Variants in ADH6 observed in about 807,000 individuals in gnomAD.
ADH6 encodes alcohol dehydrogenase 6 (class V), also known as alcohol dehydrogenase 6.
In ADH6, 34 loss-of-function variants were observed where a neutral mutation model predicts 36.5. The ratio of observed to expected loss-of-function variants is 0.93; its 90% confidence interval spans 0.71 to 1.24. ADH6 has a LOEUF of 1.24. Among genes scored for constraint, ADH6 ranks in the 50% most tolerant of loss-of-function variants. ADH6 has a pLI of 0.00. For missense variants in ADH6, 440 were observed against 447.0 expected, an observed-to-expected ratio of 0.98 and a Z score of 0.14; for synonymous variants, 161 against 155.5, an observed-to-expected ratio of 1.04 and a Z score of -0.26.
chr4:99,218,155 A>G (rs527857238), intron 1 of ADH6, among the ~76,000 whole-genome samples: 20 of 152,336 alleles, frequency 1.3e-4, no homozygotes, highest in African/African-American at 4.3e-4. Context: ...CAAACTCAAC[A>G]TGTTAAAACA....
chr4:99,217,062 G>A (rs983539053), intron 1 of ADH6, among the ~76,000 whole-genome samples: 11 of 152,048 alleles, frequency 7.2e-5, no homozygotes, highest in Admixed American at 4.6e-4. Context: ...TTGAGATGGA[G>A]TCTCACTCTG....
chr4:99,217,160 T>C (rs572890943), intron 1 of ADH6, among the ~76,000 whole-genome samples: 4 of 152,174 alleles, frequency 2.6e-5, no homozygotes, highest in South Asian at 2.1e-4. Flanking sequence ...CTCAGCCTCC[T>C]GAGTAGCTGG....
Position 99,210,145 on chromosome 4 carries a change from C to G in ADH6, c.504G>C (p.Glu168Asp), listed in dbSNP as rs1461640221. 3.1e-6 allele frequency: 5 copies of G among 1,613,708 alleles called. No individual in the cohort carries two copies. In the African/African-American group the frequency reaches 6.7e-5, roughly 22 times the overall value. ...AGCCACAGCTAATTAGGCATACTTT[C>G]TCTAGAGGAGCGACTGCATCAATCT... The part of the protein sequence containing the change: ...VAKIDAVAPL[E>D]KVCLISCGFS... The change falls in exon 5 of 9, where the codon GAG (glutamate) becomes GAC (aspartate). Residue 168 changes from glutamate (E) to aspartate (D), a missense_variant. Physicochemically the swap from Glu to Asp is conservative, Grantham distance 45. Coordinates refer to ENST00000394899, the MANE Select transcript of ADH6 (RefSeq NM_001102470.2).
Position 99,210,141 on chromosome 4 carries a change from C to G in ADH6, c.508G>C (p.Val170Leu). 6.2e-7 allele frequency: 1 copy of G among 1,613,776 alleles called. No homozygotes were observed. Among genetic ancestry groups the G allele is most frequent in the Non-Finnish European group, 8.5e-7 (1 of 1,179,778 alleles). ...KIDAVAPLEKVCLISCGFSTG... is the reference protein window; with the variant it reads ...KIDAVAPLEKLCLISCGFSTG... ...GAAAAGCCACAGCTAATTAGGCATACTTTCTCTAGAGGAGCGACTGCATCA... is the reference window on the plus strand; with the variant it reads ...GAAAAGCCACAGCTAATTAGGCATAGTTTCTCTAGAGGAGCGACTGCATCA... Residue 170 changes from valine to leucine, a missense_variant, in exon 5 of 9, where the codon GTA (valine) becomes CTA (leucine). Val to Leu is a conservative substitution (Grantham distance 32). Transcript: ENST00000394899.
chr4:99,219,203 G>C lies in ADH6; in HGVS notation c.-51C>G, dbSNP rs1314260987. 1 of 1,562,274 alleles carries C rather than the reference G, an allele frequency of 6.4e-7. No individual in the cohort carries two copies. On this transcript the variant is annotated 5_prime_UTR_variant, in exon 1 of 9. Transcript: ENST00000394899. ...TTTATTGAGAAAGGGAGATCCTGTA[G>C]CAACTTTCACTGTAGAAAGTACAAA...
At position 99,204,105 on chromosome 4, in the gene ADH6, A is replaced by C. The variant is rs1216197314; in HGVS notation, c.*114T>G. On this transcript the variant is annotated 3_prime_UTR_variant, in exon 9 of 9. Coordinates refer to ENST00000394899, the MANE Select transcript of ADH6 (RefSeq NM_001102470.2). ...TAGGTCCACTGCGGAGTGAATCAGA[A>C]GTCAGAATATAGAAATGGGATTGGG... 3.1e-6 allele frequency: 4 copies of C among 1,307,782 alleles called. No homozygotes were observed. 81.0% of individuals were successfully genotyped at this position (1,307,782 alleles called of 1,614,324 possible). A position where few individuals can be genotyped will look rare whatever the true frequency, so the allele number is the denominator to read the frequency against.
intron 6 of ADH6, 31 bp downstream of exon 6, chr4:99,208,637 T>C (rs556321397): frequency 1.3e-6 from 2 of 1,584,026 alleles, no homozygotes; most frequent in East Asian, 2.2e-5. Context: ...GGTAAAAGTA[T>C]TGGTAATTTT....
intron 2 of ADH6, among the ~76,000 whole-genome samples, chr4:99,215,478 A>G (rs1731374255): frequency 6.6e-6 from 1 of 152,202 alleles, no homozygotes. Context: ...ACAATTGCAG[A>G]ATTTCTGGAG....
intron 2 of ADH6, 26 bp from the exon 3 acceptor site, chr4:99,213,773 AGTTCCC>A: frequency 6.5e-7 from 1 of 1,548,254 alleles, no homozygotes; most frequent in Admixed American, 2.1e-5. Flanking sequence ...AGGGTACTGC[AGTTCCC>A]GCTGTTTCAG....
chr4:99,204,421 G>GT, intron 8 of ADH6, 178 bp from the exon 9 acceptor site: 1 of 1,405,900 alleles, frequency 7.1e-7, no homozygotes, highest in East Asian at 2.7e-5. Context: ...AACTCCAAGG[G>GT]TAAAAAGTAG....
chr4:99,213,361 T>G (rs1657869682), intron 3 of ADH6, among the ~76,000 whole-genome samples: 1 of 152,204 alleles, frequency 6.6e-6, no homozygotes, highest in Non-Finnish European at 1.5e-5. Flanking sequence ...TCATTTGTAC[T>G]TTCAAGTCCA....
chr4:99,210,808 C>A (rs895624936), intron 3 of ADH6, among the ~76,000 whole-genome samples: 8 of 152,104 alleles, frequency 5.3e-5, no homozygotes, highest in Non-Finnish European at 1.0e-4. Flanking sequence ...TCAGTCAAGT[C>A]TTATCTCTTC....
At chr4:99,207,420 T>C in intron 7 of ADH6, 26 bp downstream of exon 7, 2 of 1,612,656 alleles carry the variant, frequency 1.2e-6, no homozygotes, top group Middle Eastern at 1.7e-4. Context: ...CTCAGGCATT[T>C]CCACCTTTCC....
intron 1 of ADH6, among the ~76,000 whole-genome samples, chr4:99,216,989 A>T (rs1313079016): frequency 6.6e-6 from 1 of 152,184 alleles, no homozygotes; most frequent in South Asian, 2.1e-4. Flanking sequence ...CTACTCTGGT[A>T]TCAAACATTG....
At chr4:99,206,573 T>C (rs1731043772) in intron 7 of ADH6, among the ~76,000 whole-genome samples, 2 of 152,056 alleles carry the variant, frequency 1.3e-5, no homozygotes, top group South Asian at 4.2e-4. Context: ...TTATTACTTT[T>C]TTTTTTTTGC....
intron 7 of ADH6, among the ~76,000 whole-genome samples, chr4:99,206,448 A>G (rs1334347942): frequency 6.6e-6 from 1 of 152,114 alleles, no homozygotes; most frequent in Non-Finnish European, 1.5e-5. Context: ...TTTTGAATTA[A>G]CATTATCATC....
At chr4:99,210,377 A>G (rs751529717) in intron 4 of ADH6, 38 bp downstream of exon 4, 2 of 1,596,244 alleles carry the variant, frequency 1.3e-6, no homozygotes, top group South Asian at 2.2e-5. Flanking sequence ...ATGAAAGTGA[A>G]TTAAGTTTTC....
At position 99,207,550 on chromosome 4, in the gene ADH6, T is replaced by C; in HGVS notation, c.860A>G (p.Tyr287Cys). The C allele has an allele frequency of 2.5e-6, 4 of 1,613,284 alleles. No individual in the cohort carries two copies. Among genetic ancestry groups the C allele is most frequent in the Non-Finnish European group, 3.4e-6 (4 of 1,179,584 alleles). Residue 287 changes from tyrosine (Y) to cysteine (C), a missense_variant, in exon 7 of 9, where the codon TAT (tyrosine) becomes TGT (cysteine). Transcript: ENST00000394899. ...CACCCCAACAACCACACAGACCCCA[T>C]AGCTCTCATTGCAGGAGGCGAGGGC... ...AAALASCNESYGVCVVVGVLP... is the reference protein window; with the variant it reads ...AAALASCNESCGVCVVVGVLP...
intron 2 of ADH6, among the ~76,000 whole-genome samples, chr4:99,214,174 C>G (rs1731321115): frequency 6.6e-6 from 1 of 152,132 alleles, no homozygotes; most frequent in African/African-American, 2.4e-5. Flanking sequence ...GAGAGTCACT[C>G]AAGGGCAGGA....
Sources: gnomAD v4.1 joint callset for allele counts (sites outside exome capture counted in the v4.1 genomes callset) on GRCh38, gnomAD v4.1.1 for gene constraint, MANE v1.5 for transcripts, NCBI Gene and HGNC (gene_info 2026-07-23, HGNC 2026-07-21) for gene names.